WIPF3: variants seen among roughly 807,000 people sequenced by gnomAD.
The protein encoded by WIPF3 is WAS/WASL-interacting protein family member 3.
In WIPF3, 33 loss-of-function variants were observed where a neutral mutation model predicts 38.9. That is an observed-to-expected ratio of 0.85 (90% confidence interval 0.64 to 1.14). The LOEUF (loss-of-function observed/expected upper bound fraction) is 1.14. Among genes scored for constraint, WIPF3 ranks in the 50% most tolerant of loss-of-function variants. The pLI is 0.00. For synonymous variants in WIPF3, 324 were observed against 269.3 expected (o/e 1.20, Z -1.99); for missense variants, 711 against 652.5 (o/e 1.09, Z -0.98).
At chr7:29,807,515 G>A (rs1220458223) in intron 1 of WIPF3, among the ~76,000 whole-genome samples, 1 of 152,202 alleles carries the variant, frequency 6.6e-6, no homozygotes, top group Non-Finnish European at 1.5e-5. Flanking sequence ...CCGTGGGCAG[G>A]CAGGCACCGG....
At position 29,884,314 on chromosome 7, in the gene WIPF3, G is replaced by A. The variant is rs1785809879; in HGVS notation, c.820G>A (p.Gly274Arg). 2 of 1,487,682 alleles carry A rather than the reference G, an allele frequency of 1.3e-6. No homozygotes were observed. Among genetic ancestry groups the A allele is most frequent in the Admixed American group, 2.2e-5 (1 of 45,556 alleles). The allele number at this position is 1,487,682 out of a possible 1,614,324, so 92.2% of individuals were successfully genotyped here. A position where few individuals can be genotyped will look rare whatever the true frequency, so the allele number is the denominator to read the frequency against. Reference sequence around the variant, plus strand: ...TCTGCTCCCACCTTGTGGGTATCCGGGGCTCAAAGCGGAGCCCGCCAGCCC... The same window carrying A: ...TCTGCTCCCACCTTGTGGGTATCCGAGGCTCAAAGCGGAGCCCGCCAGCCC... ...LPLLPPCGYP[G>R]LKAEPASPAQ... The change falls in exon 5 of 9, where the codon GGG (glycine) becomes AGG (arginine). Residue 274 changes from glycine (G) to arginine (R), a missense_variant. By Grantham distance (125) the Gly-to-Arg change is moderately radical. Coordinates refer to ENST00000242140, the MANE Select transcript of WIPF3 (RefSeq NM_001080529.3).
chr7:29,865,111 A>T (rs180892116), intron 2 of WIPF3, among the ~76,000 whole-genome samples: 1 of 152,276 alleles, frequency 6.6e-6, no homozygotes, highest in African/African-American at 2.4e-5. Flanking sequence ...CTCTCTTCCA[A>T]ATTTTATGGA....
chr7:29,846,685 A>G (rs1360984702), intron 2 of WIPF3, among the ~76,000 whole-genome samples: 2 of 152,254 alleles, frequency 1.3e-5, no homozygotes, highest in African/African-American at 4.8e-5. Flanking sequence ...CCTGGAAGAC[A>G]AGAGCAAAAC....
At chr7:29,895,143 G>A (rs920481834) in intron 7 of WIPF3, among the ~76,000 whole-genome samples, 3 of 152,018 alleles carry the variant, frequency 2.0e-5, no homozygotes, top group Non-Finnish European at 2.9e-5. Context: ...GTTTCATCCT[G>A]TTGGCCAGGC....
chr7:29,880,568 C>T (rs1785694447), intron 4 of WIPF3, among the ~76,000 whole-genome samples: 1 of 152,168 alleles, frequency 6.6e-6, no homozygotes, highest in Non-Finnish European at 1.5e-5. Flanking sequence ...AAGGCTTCCA[C>T]CAGTTTCTCT....
At chr7:29,859,118 A>T (rs1054704186) in intron 2 of WIPF3, among the ~76,000 whole-genome samples, 7 of 152,168 alleles carry the variant, frequency 4.6e-5, no homozygotes, top group Non-Finnish European at 8.8e-5. Flanking sequence ...TATCTTCATG[A>T]ACTATGGAGG....
In WIPF3 at chr7:29,878,486, G is replaced by A. The variant is rs174960; in HGVS notation, c.224-523G>A. ...GAGGTGCGAGGGGCTGGGGGCTTGA[G>A]GGCTGGAGAGACAGGAAGGAAACTG... On this transcript the variant is annotated intron_variant, in intron 3 of 8. Coordinates refer to ENST00000242140, the MANE Select transcript of WIPF3 (RefSeq NM_001080529.3). The surrounding 1 kb of genome is among the most constrained non-coding windows in gnomAD (Gnocchi z 4.0). Among the ~76,000 whole-genome samples the A allele has an allele frequency of 0.41, 62,767 of 151,980 alleles. 15,099 individuals carry two copies. The highest frequency in any genetic ancestry group is 0.8 in the East Asian group (4,126 of 5,164).
chr7:29,880,147 A>G (rs565575433), intron 4 of WIPF3, among the ~76,000 whole-genome samples: 45 of 152,010 alleles, frequency 3.0e-4, no homozygotes, highest in African/African-American at 1.1e-3. Context: ...TTACTCTGAG[A>G]AAAAAAACCT....
intron 7 of WIPF3, among the ~76,000 whole-genome samples, chr7:29,900,077 AC>A (rs2128079691): frequency 6.6e-6 from 1 of 152,200 alleles, no homozygotes; most frequent in East Asian, 1.9e-4. Flanking sequence ...AGCTGGGACT[AC>A]AGGTGTGTGC....
intron 2 of WIPF3, among the ~76,000 whole-genome samples, chr7:29,847,507 G>A (rs1204831749): frequency 7.2e-5 from 11 of 152,154 alleles, no homozygotes; most frequent in East Asian, 3.8e-4. Flanking sequence ...ACGATGTAGC[G>A]GAAATTATCT....
chr7:29,826,431 A>G (rs980844095), intron 1 of WIPF3, among the ~76,000 whole-genome samples: 1 of 152,170 alleles, frequency 6.6e-6, no homozygotes, highest in African/African-American at 2.4e-5. Flanking sequence ...CCTCCACTGG[A>G]GTTTGGTAAA....
chr7:29,873,863 A>G (rs1028223430), intron 2 of WIPF3, among the ~76,000 whole-genome samples: 1 of 152,148 alleles, frequency 6.6e-6, no homozygotes, highest in Non-Finnish European at 1.5e-5. Context: ...TTTAGCCAAA[A>G]CCGCAACTGC....
chr7:29,889,662 C>G (rs1785965147), intron 7 of WIPF3, among the ~76,000 whole-genome samples: 1 of 152,142 alleles, frequency 6.6e-6, no homozygotes, highest in Admixed American at 6.5e-5. Flanking sequence ...CCTAAACTTA[C>G]CACTCATCTC....
intron 7 of WIPF3, among the ~76,000 whole-genome samples, chr7:29,898,506 C>T (rs372283950): frequency 2.0e-5 from 3 of 152,170 alleles, no homozygotes; most frequent in Non-Finnish European, 2.9e-5. Flanking sequence ...CACTCCCCTC[C>T]GCTCAGAATC....
At chr7:29,851,789 GC>G (rs1276026247) in intron 2 of WIPF3, among the ~76,000 whole-genome samples, 1 of 152,166 alleles carries the variant, frequency 6.6e-6, no homozygotes, top group African/African-American at 2.4e-5. Flanking sequence ...CCTCATCAGT[GC>G]CCTCTGGGTA....
chr7:29,869,248 G>C (rs986002518), intron 2 of WIPF3, among the ~76,000 whole-genome samples: 5 of 152,010 alleles, frequency 3.3e-5, no homozygotes, highest in Admixed American at 3.3e-4. Flanking sequence ...GGCTGGTCTC[G>C]AACTCCCAAC....
chr7:29,823,955 TTTTA>T lies in WIPF3; in HGVS notation c.-57-10707_-57-10704del, dbSNP rs1267909398. 2.6e-5 allele frequency among the ~76,000 whole-genome samples: 4 copies of T among 152,218 alleles called. No homozygotes were observed. Among genetic ancestry groups the T allele is most frequent in the African/African-American group, 9.6e-5 (4 of 41,458 alleles). On this transcript the variant is annotated intron_variant, in intron 1 of 8. Transcript: ENST00000242140. The surrounding 1 kb of genome is among the most constrained non-coding windows in gnomAD (Gnocchi z 4.0). ...CAGAACTGTGAGCCAATTAAACCTC[TTTTA>T]TTTATAAATTTCTCAGTTTCAGGTA...
chr7:29,864,480 C>T (rs1410983655), intron 2 of WIPF3, among the ~76,000 whole-genome samples: 1 of 152,114 alleles, frequency 6.6e-6, no homozygotes, highest in Non-Finnish European at 1.5e-5. Flanking sequence ...TTAAGTGTTT[C>T]CTGCTTTGTC....
chr7:29,870,611 G>A (rs174957), intron 2 of WIPF3, among the ~76,000 whole-genome samples: 65,751 of 151,820 alleles, frequency 0.43, 15,738 homozygotes, highest in East Asian at 0.8. Flanking sequence ...TTGTTTTATG[G>A]GTGTAAAGAA....
Sources: gnomAD v4.1 joint callset for allele counts (sites outside exome capture counted in the v4.1 genomes callset) on GRCh38, gnomAD v4.1.1 for gene constraint, Gnocchi (gnomAD v3.1) non-coding constraint, MANE v1.5 for transcripts, NCBI Gene and HGNC (gene_info 2026-07-23, HGNC 2026-07-21) for gene names.